The following RGS6 variants were observed in gnomAD, a reference collection of about 807,000 sequenced individuals.
The protein encoded by RGS6 is regulator of G protein signaling 6, also known as regulator of G-protein signaling 6.
RGS6 carries 30 observed loss-of-function variants against 78.5 expected under a neutral mutation model. The ratio of observed to expected loss-of-function variants is 0.38; its 90% CI spans 0.29 to 0.52. The LOEUF (loss-of-function observed/expected upper bound fraction) is 0.52, where lower values mean the gene tolerates loss of function less well. RGS6 is among the 20% of genes least tolerant of loss of function. The pLI, the probability that RGS6 is intolerant of heterozygous loss-of-function variation, is 0.85. For synonymous variants in RGS6, 206 were observed against 206.0 expected, an observed-to-expected ratio of 1.00 and a Z score of 0.00; for missense variants, 495 against 609.7, an observed-to-expected ratio of 0.81 and a Z score of 1.98.
At chr14:71,959,904 G>A (rs1386996592) in intron 1 of RGS6, among the ~76,000 whole-genome samples, 1 of 152,152 alleles carries the variant, frequency 6.6e-6, no homozygotes, top group African/African-American at 2.4e-5. Context: ...GGAAACGTAG[G>A]GTGGGAGAGC....
chr14:72,144,350 A>G (rs745771743), intron 2 of RGS6, among the ~76,000 whole-genome samples: 2 of 152,200 alleles, frequency 1.3e-5, no homozygotes, highest in Non-Finnish European at 2.9e-5. Flanking sequence ...AAAAGTTTGC[A>G]AACTTATTAT....
chr14:72,037,740 T>A (rs910603778), intron 2 of RGS6, among the ~76,000 whole-genome samples: 33 of 152,208 alleles, frequency 2.2e-4, no homozygotes, highest in African/African-American at 8.0e-4. Context: ...CAGAACTTTC[T>A]GAAGTAATGG....
At chr14:72,497,982 C>T (rs10138138) in intron 13 of RGS6, among the ~76,000 whole-genome samples, 25,155 of 151,900 alleles carry the variant, frequency 0.17, 2,380 homozygotes, top group African/African-American at 0.26. Flanking sequence ...TCTTTTTATT[C>T]TATATTCAAA....
intron 2 of RGS6, among the ~76,000 whole-genome samples, chr14:72,187,983 TC>T (rs1367424513): frequency 6.6e-6 from 1 of 152,130 alleles, no homozygotes; most frequent in Non-Finnish European, 1.5e-5. Context: ...TAAACAACTC[TC>T]CTTTTTGTGG....
chr14:72,558,323 G>A (rs553610474), intron 17 of RGS6, among the ~76,000 whole-genome samples: 11 of 152,188 alleles, frequency 7.2e-5, no homozygotes, highest in East Asian at 3.9e-4. Context: ...TCCCTGAGCC[G>A]CTAGTGCTTG....
chr14:72,484,757 G>C (rs1464378623), intron 12 of RGS6, among the ~76,000 whole-genome samples: 3 of 151,948 alleles, frequency 2.0e-5, no homozygotes, highest in Non-Finnish European at 2.9e-5. Context: ...ATTAATAACT[G>C]TCCTCCTACC....
intron 12 of RGS6, among the ~76,000 whole-genome samples, chr14:72,487,042 G>A (rs1375935818): frequency 1.3e-5 from 2 of 152,088 alleles, no homozygotes; most frequent in Admixed American, 6.5e-5. Flanking sequence ...AAGAAGCTGG[G>A]AGAGCAGTTG....
At chr14:71,915,375 C>T in the RGS6 span, among the ~76,000 whole-genome samples, 1 of 152,224 alleles carries the variant, frequency 6.6e-6, no homozygotes, top group African/African-American at 2.4e-5. Flanking sequence ...TCCCCCACAG[C>T]TCCTTCACCT....
chr14:72,322,879 T>C (rs2072490008), intron 2 of RGS6, among the ~76,000 whole-genome samples: 1 of 152,152 alleles, frequency 6.6e-6, no homozygotes, highest in South Asian at 2.1e-4. Context: ...TATTTTATTA[T>C]ACAGACAGAG....
chr14:72,053,001 C>CTT (rs2093378230), intron 2 of RGS6, among the ~76,000 whole-genome samples: 2 of 109,352 alleles, frequency 1.8e-5, no homozygotes, highest in African/African-American at 3.6e-5. Context: ...CTCTCTCTCT[C>CTT]TCTCTTTCTT....
intron 3 of RGS6, among the ~76,000 whole-genome samples, chr14:72,374,555 C>T (rs1220868181): frequency 6.6e-6 from 1 of 152,142 alleles, no homozygotes; most frequent in Non-Finnish European, 1.5e-5. Context: ...CAGTACTGCC[C>T]CCAGCTACCA....
chr14:72,322,258 T>G (rs931972351), intron 2 of RGS6, among the ~76,000 whole-genome samples: 1 of 152,008 alleles, frequency 6.6e-6, no homozygotes, highest in African/African-American at 2.4e-5. Context: ...TTAAGTTAGC[T>G]CTTTATGAAA....
chr14:72,176,931 G>A (rs557388283), intron 2 of RGS6, among the ~76,000 whole-genome samples: 4 of 152,208 alleles, frequency 2.6e-5, no homozygotes, highest in South Asian at 4.2e-4. Context: ...CCATTATTCT[G>A]ACTTCCATCA....
chr14:72,556,255 A>G (rs1008107930), intron 17 of RGS6, among the ~76,000 whole-genome samples: 9 of 152,156 alleles, frequency 5.9e-5, no homozygotes, highest in African/African-American at 2.2e-4. Context: ...GGAAACTTAC[A>G]ATCATGGTGG....
At chr14:72,050,886 T>TGGA (rs968893291) in intron 2 of RGS6, among the ~76,000 whole-genome samples, 1 of 152,190 alleles carries the variant, frequency 6.6e-6, no homozygotes, top group African/African-American at 2.4e-5. Context: ...CAACAGGTCC[T>TGGA]GGAACCAATC....
At chr14:72,540,705 T>C in intron 17 of RGS6, 2 of 1,353,206 alleles carry the variant, frequency 1.5e-6, no homozygotes, top group Middle Eastern at 2.2e-4. Context: ...CACAGTGTGA[T>C]AGGGAGAGGA....
chr14:72,398,054 C>T (rs371181299), intron 3 of RGS6, among the ~76,000 whole-genome samples: 216 of 152,148 alleles, frequency 1.4e-3, no homozygotes, highest in African/African-American at 4.6e-3. Flanking sequence ...ATCAGGATGA[C>T]GCTGGCCTCA....
intron 2 of RGS6, among the ~76,000 whole-genome samples, chr14:72,334,050 C>T (rs1380908382): frequency 1.3e-5 from 2 of 152,214 alleles, no homozygotes; most frequent in Non-Finnish European, 2.9e-5. Flanking sequence ...TCACCCACAA[C>T]CTCCCCTTAA....
chr14:72,592,914 A>C, the RGS6 span, among the ~76,000 whole-genome samples: 3 of 152,232 alleles, frequency 2.0e-5, no homozygotes, highest in Non-Finnish European at 4.4e-5. Context: ...GTGGCTGGGC[A>C]GGGATGCCTG....
Sources: gnomAD v4.1 joint callset for allele counts (sites outside exome capture counted in the v4.1 genomes callset) on GRCh38, gnomAD v4.1.1 for gene constraint, MANE v1.5 for transcripts, NCBI Gene and HGNC (gene_info 2026-07-23, HGNC 2026-07-21) for gene names.